SHPK: variants seen among roughly 807,000 people sequenced by gnomAD.
SHPK encodes the protein sedoheptulokinase, also known as carbohydrate kinase-like protein.
A neutral mutation model predicts 46.3 loss-of-function variants in SHPK; 51 were observed. The observed-to-expected ratio is 1.10, with a 90% confidence interval of 0.88 to 1.39. SHPK has a LOEUF of 1.39. SHPK is among the 40% of genes most tolerant of loss of function. SHPK has a pLI of 0.00. For missense variants in SHPK, 668 were observed against 641.3 expected, an observed-to-expected ratio of 1.04 and a Z score of -0.45; for synonymous variants, 290 against 273.9, an observed-to-expected ratio of 1.06 and a Z score of -0.58.
At position 3,608,634 on chromosome 17, in the gene SHPK, A is replaced by G. The variant is rs2075315841; in HGVS notation, c.*1926T>C. On this transcript the variant is annotated 3_prime_UTR_variant, in exon 7 of 7. Coordinates refer to ENST00000225519, the MANE Select transcript of SHPK (RefSeq NM_013276.4). Reference sequence around the variant, plus strand: ...AGAATTTTCCATTTAATATTGTCAGACCGTGGTTGACCGCAGATAACTGAA... The same window carrying G: ...AGAATTTTCCATTTAATATTGTCAGGCCGTGGTTGACCGCAGATAACTGAA... 1 of 152,216 alleles carries G rather than the reference A, an allele frequency of 6.6e-6. No individual in the cohort carries two copies. Among genetic ancestry groups the G allele is most frequent in the African/African-American group, 2.4e-5 (1 of 41,438 alleles). The allele number at this position is 152,216 out of a possible 1,614,324, so 9.4% of individuals were successfully genotyped here. A position where few individuals can be genotyped will look rare whatever the true frequency, so the allele number is the denominator to read the frequency against.
chr17:3,633,385 G>A (rs1048390129), intron 1 of SHPK, among the ~76,000 whole-genome samples: 2 of 151,038 alleles, frequency 1.3e-5, no homozygotes, highest in Non-Finnish European at 2.9e-5. Context: ...TGGGGAAGAG[G>A]GGCAAGCGTG....
Position 3,636,143 on chromosome 17 carries a change from G to A in SHPK, c.77C>T (p.Pro26Leu), listed in dbSNP as rs1362643172. The A allele has an allele frequency of 6.2e-7, 1 of 1,611,994 alleles. No individual in the cohort carries two copies. Among genetic ancestry groups the A allele is most frequent in the Admixed American group, 1.7e-5 (1 of 59,904 alleles). ...SVKAALLRAA[P>L]DDPSGFAVLA... ...CACTGCGAACCCGGATGGGTCGTCG[G>A]GCGCGGCCCTCAGCAGAGCTGCCTT... Residue 26 changes from proline to leucine, a missense_variant, in exon 1 of 7, where the codon CCC becomes CTC. Pro to Leu is a moderately conservative substitution (Grantham distance 98). Coordinates refer to ENST00000225519, the MANE Select transcript of SHPK (RefSeq NM_013276.4).
intron 1 of SHPK, among the ~76,000 whole-genome samples, chr17:3,631,430 A>G (rs1007496401): frequency 4.0e-5 from 6 of 148,848 alleles, no homozygotes; most frequent in African/African-American, 1.5e-4. Context: ...ACTTGTGGCT[A>G]GTCTGAATTG....
At chr17:3,636,003 G>C (rs985823287) in intron 1 of SHPK, 49 bp downstream of exon 1, 1 of 1,483,268 alleles carries the variant, frequency 6.7e-7, no homozygotes, top group Non-Finnish European at 8.9e-7. Context: ...GTGGAAAAGG[G>C]TGGTCAGGAG....
At chr17:3,622,273 T>G (rs1381394031) in intron 4 of SHPK, among the ~76,000 whole-genome samples, 2 of 152,120 alleles carry the variant, frequency 1.3e-5, no homozygotes, top group African/African-American at 4.8e-5. Flanking sequence ...GTCAATAGAG[T>G]ACACTGGCTT....
chr17:3,630,262 C>T lies in SHPK; in HGVS notation c.253G>A (p.Val85Met), dbSNP rs1165806422. ...ATCTGGCCCGACACCCCGATGCCCA[C>T]GACGCTCCGGAGCTGGGGTCGGGGA... ...ALPRPQLRSV[V>M]GIGVSGQMHG... The change falls in exon 2 of 7, where the codon GTG becomes ATG. Residue 85 changes from valine (V) to methionine (M), a missense_variant. Coordinates refer to ENST00000225519, the MANE Select transcript of SHPK (RefSeq NM_013276.4). 1.1e-5 allele frequency: 17 copies of T among 1,613,668 alleles called. 1 individual carries two copies. The highest frequency in any genetic ancestry group is 4.4e-5 in the South Asian group (4 of 91,086).
chr17:3,630,805 G>A (rs563515960), intron 1 of SHPK, among the ~76,000 whole-genome samples: 2 of 152,162 alleles, frequency 1.3e-5, no homozygotes, highest in South Asian at 2.1e-4. Flanking sequence ...CGGAGGTTGC[G>A]GTGAGCCGAG....
intron 2 of SHPK, among the ~76,000 whole-genome samples, chr17:3,625,414 GTC>G (rs1464017796): frequency 1.3e-5 from 2 of 152,316 alleles, no homozygotes; most frequent in Admixed American, 1.3e-4. Flanking sequence ...TCTTACACCA[GTC>G]TCTCTGGGGG....
intron 5 of SHPK, among the ~76,000 whole-genome samples, chr17:3,618,794 T>C (rs2075382612): frequency 6.6e-6 from 1 of 151,852 alleles, no homozygotes; most frequent in Non-Finnish European, 1.5e-5. Context: ...AAAAAAAAAA[T>C]TCATTCATTA....
In SHPK at chr17:3,636,085, C is replaced by A. The variant is rs766942144; in HGVS notation, c.135G>T (p.Glu45Asp). Residue 45 changes from glutamate to aspartate, a missense_variant, in exon 1 of 7, where the codon GAG (glutamate) becomes GAT (aspartate). Transcript: ENST00000225519. ...CGGCCACCGCGCTCTCGACCGCCGC[C>A]TCTGCCCGCGCAGCACGGGCACAGC... The part of the protein sequence containing the change: ...LASCARAARA[E>D]AAVESAVAGP... 2.5e-6 allele frequency: 4 copies of A among 1,597,134 alleles called. No homozygotes were observed. Among genetic ancestry groups the A allele is most frequent in the Non-Finnish European group, 3.4e-6 (4 of 1,172,988 alleles).
chr17:3,630,059 G>A lies in SHPK; in HGVS notation c.310+146C>T, dbSNP rs1385426164. ...GTACAGAATGCTCACCCACGCAGGA[G>A]GCAGCACGTATTCGTCCACTCCAAG... On this transcript the variant is annotated intron_variant, in intron 2 of 6. Coordinates refer to ENST00000225519, the MANE Select transcript of SHPK (RefSeq NM_013276.4). The A allele has an allele frequency of 3.1e-6, 3 of 973,728 alleles. No homozygotes were observed. In the Admixed American group the frequency reaches 5.7e-5, roughly 19 times the overall value. The allele number at this position is 973,728 out of a possible 1,614,324, so 60.3% of individuals were successfully genotyped here. A position where few individuals can be genotyped will look rare whatever the true frequency, so the allele number is the denominator to read the frequency against.
intron 2 of SHPK, among the ~76,000 whole-genome samples, chr17:3,628,356 T>C (rs2075450675): frequency 6.6e-6 from 1 of 151,902 alleles, no homozygotes; most frequent in African/African-American, 2.4e-5. Context: ...GAAGTCTTGT[T>C]CTGTCGCCCA....
chr17:3,623,569 A>T (rs2075415536), intron 3 of SHPK, 78 bp from the exon 4 acceptor site: 2 of 1,449,762 alleles, frequency 1.4e-6, no homozygotes, highest in Non-Finnish European at 1.9e-6. Flanking sequence ...TGCAGGCAGC[A>T]GGGACCAGCT....
intron 2 of SHPK, 102 bp downstream of exon 2, chr17:3,630,103 A>G: frequency 5.6e-6 from 8 of 1,420,410 alleles, no homozygotes; most frequent in Non-Finnish European, 7.9e-6. Context: ...CCCTATTCCC[A>G]CTGCAGGATA....
intron 5 of SHPK, among the ~76,000 whole-genome samples, chr17:3,617,020 C>T (rs1381980946): frequency 1.4e-4 from 21 of 151,196 alleles, no homozygotes; most frequent in African/African-American, 7.3e-5. Flanking sequence ...TACAGGTGCC[C>T]GCCACTGTGC....
intron 2 of SHPK, 98 bp from the exon 3 acceptor site, chr17:3,624,329 C>T (rs1043473600): frequency 4.6e-5 from 52 of 1,126,364 alleles, no homozygotes; most frequent in Non-Finnish European, 5.2e-5. Context: ...AAAATATGTG[C>T]GAATCGTCCC....
intron 6 of SHPK, among the ~76,000 whole-genome samples, chr17:3,613,541 G>A (rs534764571): frequency 3.6e-4 from 54 of 152,084 alleles, no homozygotes; most frequent in Non-Finnish European, 5.9e-4. Context: ...GCTAACTTTT[G>A]TATTTTTAGT....
In SHPK at chr17:3,627,177, G is replaced by A. The variant is rs563130573; in HGVS notation, c.311-2946C>T. On this transcript the variant is annotated intron_variant, in intron 2 of 6. Transcript: ENST00000225519. ...ACTGGTTCTTTACACGTGCTGACCT[G>A]TCCTTTGTCCACTATTCACTACCAG... 5.3e-5 allele frequency among the ~76,000 whole-genome samples: 8 copies of A among 152,246 alleles called. No individual in the cohort carries two copies. The East Asian group carries it at 1.5e-3, about 29-fold the overall frequency.
chr17:3,634,130 CG>C (rs1229311317), intron 1 of SHPK, among the ~76,000 whole-genome samples: 2 of 149,186 alleles, frequency 1.3e-5, no homozygotes, highest in African/African-American at 5.0e-5. Flanking sequence ...ACAAACACTG[CG>C]GAAGGCCGCA....
Sources: allele counts gnomAD v4.1 joint callset (sites outside exome capture counted in the v4.1 genomes callset), GRCh38; gene constraint gnomAD v4.1.1; transcripts MANE v1.5; gene names NCBI Gene and HGNC (gene_info 2026-07-23, HGNC 2026-07-21).